FIGN: variants seen among roughly 807,000 people sequenced by gnomAD.
FIGN encodes fidgetin.
A neutral mutation model predicts 51.3 loss-of-function variants in FIGN; 11 were observed. The ratio of observed to expected loss-of-function variants is 0.21; its 90% CI spans 0.13 to 0.35. The LOEUF (loss-of-function observed/expected upper bound fraction) is 0.35. Ranked by LOEUF, FIGN falls within the 10% of genes least tolerant of loss-of-function variation. The pLI, the probability that FIGN is intolerant of heterozygous loss-of-function variation, is 1.00. For synonymous variants in FIGN, 407 were observed against 363.2 expected (o/e 1.12, Z -1.37); for missense variants, 857 against 943.6 (o/e 0.91, Z 1.20).
chr2:163,675,998 A>G (rs953350339), intron 2 of FIGN, among the ~76,000 whole-genome samples: 1 of 151,826 alleles, frequency 6.6e-6, no homozygotes, highest in African/African-American at 2.4e-5. Flanking sequence ...AGCATGGCCT[A>G]CAAGATCATT....
At chr2:163,667,508 T>C (rs1167284017) in intron 2 of FIGN, among the ~76,000 whole-genome samples, 1 of 152,134 alleles carries the variant, frequency 6.6e-6, no homozygotes, top group African/African-American at 2.4e-5. Flanking sequence ...TTCCCTCCAT[T>C]CCCACTTAAC....
intron 2 of FIGN, among the ~76,000 whole-genome samples, chr2:163,656,731 G>A (rs1486178735): frequency 6.6e-6 from 1 of 152,160 alleles, no homozygotes; most frequent in Non-Finnish European, 1.5e-5. Flanking sequence ...AGGCACAGGG[G>A]CCTCTGTACT....
chr2:163,648,262 C>T (rs1031179537), intron 2 of FIGN, among the ~76,000 whole-genome samples: 12 of 152,066 alleles, frequency 7.9e-5, no homozygotes, highest in Non-Finnish European at 1.3e-4. Context: ...TTTTGGGTTG[C>T]TATTCTTCTG....
At chr2:163,623,895 A>G (rs1683012563) in intron 2 of FIGN, among the ~76,000 whole-genome samples, 1 of 152,184 alleles carries the variant, frequency 6.6e-6, no homozygotes, top group African/African-American at 2.4e-5. Context: ...AAAAAAATCT[A>G]TTCAAAAATG....
chr2:163,610,789 A>C lies in FIGN; in HGVS notation c.1043T>G (p.Met348Arg). Residue 348 changes from methionine to arginine, a missense_variant, in exon 3 of 3, where the codon ATG (methionine) becomes AGG (arginine). This residue lies in a region of FIGN where 799 missense variants were observed against 849.5 expected (regional missense o/e 0.94). Coordinates refer to ENST00000333129, the MANE Select transcript of FIGN (RefSeq NM_018086.4). The stretch of plus-strand genomic sequence containing the variant: ...AATGCTGTTGTCGGGCATTCTGTAC[A>C]TAGGACTCTGTGTAGATCTCTGTTG... ...YGQQRSTQSP[M>R]YRMPDNSISN... 6.2e-7 allele frequency: 1 copy of C among 1,614,148 alleles called. No individual in the cohort carries two copies. Among genetic ancestry groups the C allele is most frequent in the Non-Finnish European group, 8.5e-7 (1 of 1,180,030 alleles).
chr2:163,680,239 C>T (rs924823503), intron 2 of FIGN, among the ~76,000 whole-genome samples: 2 of 152,204 alleles, frequency 1.3e-5, no homozygotes, highest in Non-Finnish European at 2.9e-5. Context: ...CCTTCAGAGT[C>T]TCCTTTAACA....
intron 2 of FIGN, among the ~76,000 whole-genome samples, chr2:163,728,254 T>TA (rs11449804): frequency 0.36 from 55,130 of 151,820 alleles, 10,470 homozygotes; most frequent in African/African-American, 0.47. Context: ...GATTTCTACA[T>TA]AAAAATACTC....
intron 2 of FIGN, among the ~76,000 whole-genome samples, chr2:163,727,874 A>G (rs1031356742): frequency 1.3e-5 from 2 of 152,178 alleles, no homozygotes; most frequent in African/African-American, 4.8e-5. Flanking sequence ...GTTTGATCTC[A>G]TTGAGAAGTA....
At chr2:163,658,334 C>A (rs1258547366) in intron 2 of FIGN, among the ~76,000 whole-genome samples, 4 of 147,622 alleles carry the variant, frequency 2.7e-5, no homozygotes, top group African/African-American at 1.0e-4. Context: ...CTGATAACAT[C>A]CAGTTATCAG....
intron 2 of FIGN, among the ~76,000 whole-genome samples, chr2:163,624,966 G>T (rs1437189359): frequency 6.6e-6 from 1 of 151,844 alleles, no homozygotes; most frequent in Non-Finnish European, 1.5e-5. Flanking sequence ...TTGCTTTGAT[G>T]TTAGATTTAT....
intron 2 of FIGN, among the ~76,000 whole-genome samples, chr2:163,719,609 C>T (rs1684722877): frequency 6.6e-6 from 1 of 152,152 alleles, no homozygotes; most frequent in Admixed American, 6.5e-5. Context: ...AAAATTTCTG[C>T]ACAGCAGATG....
chr2:163,694,468 C>T (rs559058056), intron 2 of FIGN, among the ~76,000 whole-genome samples: 1 of 152,234 alleles, frequency 6.6e-6, no homozygotes, highest in Admixed American at 6.5e-5. Flanking sequence ...CTCTCTTTTA[C>T]AGGATGGGGC....
intron 2 of FIGN, among the ~76,000 whole-genome samples, chr2:163,642,154 G>A (rs1683315625): frequency 6.6e-6 from 1 of 152,126 alleles, no homozygotes; most frequent in African/African-American, 2.4e-5. Context: ...TGACTTCCCA[G>A]CATGTAAAAT....
At chr2:163,681,663 T>C (rs1684066389) in intron 2 of FIGN, among the ~76,000 whole-genome samples, 2 of 152,176 alleles carry the variant, frequency 1.3e-5, no homozygotes, top group Admixed American at 1.3e-4. Context: ...TTTTCAAATA[T>C]CTTTGTGTCT....
intron 2 of FIGN, among the ~76,000 whole-genome samples, chr2:163,694,034 G>T (rs1684277943): frequency 6.6e-6 from 1 of 152,164 alleles, no homozygotes; most frequent in African/African-American, 2.4e-5. Context: ...AAGAGCTGGA[G>T]CATCCAGCAG....
Position 163,608,523 on chromosome 2 carries a change from G to A in FIGN, c.*1029C>T, listed in dbSNP as rs914091278. 1 of 152,422 alleles carries A rather than the reference G, an allele frequency of 6.6e-6. No homozygotes were observed. Among genetic ancestry groups the A allele is most frequent in the African/African-American group, 2.4e-5 (1 of 41,414 alleles). The allele number at this position is 152,422 out of a possible 1,614,324, so 9.4% of individuals were successfully genotyped here. On this transcript the variant is annotated 3_prime_UTR_variant, in exon 3 of 3. Transcript: ENST00000333129. ...ACTTTCAGGGTCCTAAACAGGTCTT[G>A]TGGCTGACAGGTCTAGACACTAACA...
Position 163,708,905 on chromosome 2 carries a change from G to A in FIGN, c.25+25998C>T, listed in dbSNP as rs149017018. Among the ~76,000 whole-genome samples, 1,363 of 152,254 alleles carry A rather than the reference G, an allele frequency of 9.0e-3. 22 individuals carry two copies. The highest frequency in any genetic ancestry group is 0.031 in the African/African-American group (1,306 of 41,546). Reference sequence around the variant, plus strand: ...ATGATATTAATGCTTAAGAAGTAATGGTTGCATATAGACTATTGTTCATTG... The same window carrying A: ...ATGATATTAATGCTTAAGAAGTAATAGTTGCATATAGACTATTGTTCATTG... On this transcript the variant is annotated intron_variant, in intron 2 of 2. Transcript: ENST00000333129.
intron 2 of FIGN, among the ~76,000 whole-genome samples, chr2:163,731,795 A>AACTCACAC (rs1268048290): frequency 6.6e-6 from 1 of 152,082 alleles, no homozygotes; most frequent in Non-Finnish European, 1.5e-5. Context: ...AAAGCAAATC[A>AACTCACAC]ACTCACACAT....
chr2:163,608,437 C>T lies in FIGN; in HGVS notation c.*1115G>A, dbSNP rs1166323422. 6.5e-6 allele frequency: 1 copy of T among 152,872 alleles called. No individual in the cohort carries two copies. The highest frequency in any genetic ancestry group is 1.9e-4 in the East Asian group (1 of 5,192). 9.5% of individuals were successfully genotyped at this position (152,872 alleles called of 1,614,324 possible). On this transcript the variant is annotated 3_prime_UTR_variant, in exon 3 of 3. Transcript: ENST00000333129. ...TAAGAGATAACTTGCAAACTACCAC[C>T]ACCATCACCACCACTACCACCTATG...
Sources: allele counts gnomAD v4.1 joint callset (sites outside exome capture counted in the v4.1 genomes callset), GRCh38; gene constraint gnomAD v4.1.1; regional missense constraint gnomAD v4.1.1; transcripts MANE v1.5; gene names NCBI Gene and HGNC (gene_info 2026-07-23, HGNC 2026-07-21).